The following CDK13 variants were observed in gnomAD, a reference collection of about 807,000 sequenced individuals.
The protein encoded by CDK13 is cyclin-dependent kinase 13.
Under a neutral mutation model 137.6 loss-of-function variants are expected in CDK13, and 40 were observed. That is an observed-to-expected ratio of 0.29 (90% confidence interval 0.23 to 0.38). CDK13 has a LOEUF of 0.38. Among genes scored for constraint, CDK13 ranks in the 10% least tolerant of loss-of-function variants. The pLI, the probability that CDK13 is intolerant of heterozygous loss-of-function variation, is 1.00. For synonymous variants in CDK13, 869 were observed against 760.1 expected (o/e 1.14, Z -2.36); for missense variants, 1,704 against 1,951.8 (o/e 0.87, Z 2.39).
chr7:39,965,003 T>G (rs1243592717), intron 1 of CDK13, among the ~76,000 whole-genome samples: 3 of 152,216 alleles, frequency 2.0e-5, no homozygotes, highest in Non-Finnish European at 4.4e-5. Flanking sequence ...TTGTTATAAT[T>G]TCTGTTCTTT....
chr7:40,047,734 A>G (rs1288176233), intron 6 of CDK13, 87 bp from the exon 7 acceptor site: 2 of 810,852 alleles, frequency 2.5e-6, no homozygotes, highest in Non-Finnish European at 4.0e-6. Flanking sequence ...TTTTTTTTTT[A>G]ATCAGTTCTA....
At chr7:40,078,289 A>ATGAC in intron 10 of CDK13, 168 bp downstream of exon 10, 1 of 428,614 alleles carries the variant, frequency 2.3e-6, no homozygotes. Flanking sequence ...TTTTACCATT[A>ATGAC]TTATGGAATC....
Position 39,951,100 on chromosome 7 carries a change from C to A in CDK13, c.459C>A (p.Ser153=), listed in dbSNP as rs558256893. 7 of 1,248,996 alleles carry A rather than the reference C, an allele frequency of 5.6e-6. No individual in the cohort carries two copies. In the East Asian group the frequency reaches 9.5e-5, roughly 17 times the overall value. 77.4% of individuals were successfully genotyped at this position (1,248,996 alleles called of 1,614,324 possible). Residue 153 remains serine, a synonymous_variant, in exon 1 of 14, where the codon TCC becomes TCA. Transcript: ENST00000181839. ...AATACGAGGATGTGAGCTCCCAGTCCGAGCAGGGGCTGCTGCTGGGGGGGG... is the reference window on the plus strand; with the variant it reads ...AATACGAGGATGTGAGCTCCCAGTCAGAGCAGGGGCTGCTGCTGGGGGGGG... The part of the protein sequence containing the change: ...LVEYEDVSSQ[S]EQGLLLGGAS...
At chr7:39,964,896 A>G (rs558665417) in intron 1 of CDK13, among the ~76,000 whole-genome samples, 1 of 152,302 alleles carries the variant, frequency 6.6e-6, no homozygotes, top group East Asian at 1.9e-4. Flanking sequence ...GTAGTCATTC[A>G]GCAGCAGGTT....
chr7:39,956,401 G>C (rs758655286), intron 1 of CDK13, among the ~76,000 whole-genome samples: 4 of 152,066 alleles, frequency 2.6e-5, no homozygotes, highest in African/African-American at 7.2e-5. Context: ...TTCCGCTAAC[G>C]CTAATATTTA....
intron 7 of CDK13, chr7:40,061,846 C>T (rs1786155740): frequency 1.3e-5 from 2 of 152,136 alleles, no homozygotes; most frequent in Non-Finnish European, 2.9e-5. Context: ...TCAAACCTGA[C>T]CCTAATATAA....
intron 5 of CDK13, among the ~76,000 whole-genome samples, chr7:40,030,076 A>G (rs1785335260): frequency 1.3e-5 from 2 of 152,186 alleles, no homozygotes; most frequent in South Asian, 2.1e-4. Context: ...ACCCATGTTT[A>G]GCGGTCTCAA....
At chr7:39,955,451 G>A (rs1419040797) in intron 1 of CDK13, among the ~76,000 whole-genome samples, 1 of 152,054 alleles carries the variant, frequency 6.6e-6, no homozygotes, top group African/African-American at 2.4e-5. Context: ...AATTCTAACA[G>A]CAGTCTATTC....
intron 5 of CDK13, among the ~76,000 whole-genome samples, chr7:40,024,259 CAAAA>C (rs985463593): frequency 6.6e-6 from 1 of 151,912 alleles, no homozygotes; most frequent in Non-Finnish European, 1.5e-5. Context: ...TGTATTAAAA[CAAAA>C]AAACCCTTCT....
chr7:40,093,064 C>T lies in CDK13; in HGVS notation c.3515C>T (p.Thr1172Ile). 1 of 1,614,170 alleles carries T rather than the reference C, an allele frequency of 6.2e-7. No homozygotes were observed. Among genetic ancestry groups the T allele is most frequent in the Non-Finnish European group, 8.5e-7 (1 of 1,180,042 alleles). The part of the protein sequence containing the change: ...SSQTIQPKVE[T>I]DAAQAAVQSA... Reference sequence around the variant, plus strand: ...CAGACCATCCAGCCTAAAGTGGAGACTGATGCTGCCCAGGCGGCTGTGCAG... The same window carrying T: ...CAGACCATCCAGCCTAAAGTGGAGATTGATGCTGCCCAGGCGGCTGTGCAG... Residue 1172 changes from threonine to isoleucine, a missense_variant, in exon 13 of 14, where the codon ACT (threonine) becomes ATT (isoleucine). Physicochemically the swap from Thr to Ile is moderately conservative, Grantham distance 89. Coordinates refer to ENST00000181839, the MANE Select transcript of CDK13 (RefSeq NM_003718.5).
At chr7:40,023,558 G>A (rs185279649) in intron 5 of CDK13, among the ~76,000 whole-genome samples, 1 of 151,040 alleles carries the variant, frequency 6.6e-6, no homozygotes, top group African/African-American at 2.4e-5. Flanking sequence ...GGAGTGCAGT[G>A]GCATGATCTC....
intron 7 of CDK13, among the ~76,000 whole-genome samples, chr7:40,053,413 TTCTGTCC>T (rs1273424891): frequency 6.6e-6 from 1 of 152,208 alleles, no homozygotes; most frequent in Non-Finnish European, 1.5e-5. Flanking sequence ...GTATTGGTTT[TTCTGTCC>T]TCTGGTCTTT....
At chr7:40,035,362 G>GT (rs1243962735) in intron 5 of CDK13, among the ~76,000 whole-genome samples, 5 of 152,012 alleles carry the variant, frequency 3.3e-5, no homozygotes, top group Admixed American at 6.6e-5. Context: ...TCTGTGGCTG[G>GT]TTAGGAACTG....
At chr7:40,008,262 C>G (rs995951189) in intron 5 of CDK13, among the ~76,000 whole-genome samples, 1 of 152,142 alleles carries the variant, frequency 6.6e-6, no homozygotes, top group East Asian at 1.9e-4. Flanking sequence ...AAGTTTAGTT[C>G]TTTAACTGCA....
At chr7:40,064,637 C>G (rs903156925) in intron 9 of CDK13, among the ~76,000 whole-genome samples, 1 of 151,990 alleles carries the variant, frequency 6.6e-6, no homozygotes, top group African/African-American at 2.4e-5. Flanking sequence ...CTGGGGATAA[C>G]TTGGCTATAG....
At chr7:40,055,049 AC>A (rs1290597335) in intron 7 of CDK13, among the ~76,000 whole-genome samples, 1 of 152,062 alleles carries the variant, frequency 6.6e-6, no homozygotes, top group East Asian at 1.9e-4. Flanking sequence ...ACAATAGTTA[AC>A]GTTGAGACCA....
intron 5 of CDK13, among the ~76,000 whole-genome samples, chr7:40,022,923 T>A (rs990533468): frequency 6.6e-6 from 1 of 151,950 alleles, no homozygotes; most frequent in African/African-American, 2.4e-5. Context: ...CTGAAAACTT[T>A]GCAAATAGTC....
At chr7:40,074,258 C>T (rs1786489891) in intron 9 of CDK13, among the ~76,000 whole-genome samples, 2 of 151,992 alleles carry the variant, frequency 1.3e-5, no homozygotes, top group African/African-American at 4.8e-5. Context: ...TGCGGTGGCT[C>T]ACGCCCATAA....
chr7:40,089,373 G>A (rs1055302897), intron 12 of CDK13, among the ~76,000 whole-genome samples: 35 of 149,948 alleles, frequency 2.3e-4, no homozygotes, highest in Non-Finnish European at 2.5e-4. Flanking sequence ...CCAGGAGGCA[G>A]ATGTTGCAGT....
Sources: allele counts gnomAD v4.1 joint callset (sites outside exome capture counted in the v4.1 genomes callset), GRCh38; gene constraint gnomAD v4.1.1; transcripts MANE v1.5; gene names NCBI Gene and HGNC (gene_info 2026-07-23, HGNC 2026-07-21).